Variants in FXR1 observed in about 807,000 individuals in gnomAD.
The protein encoded by FXR1 is RNA-binding protein FXR1.
In FXR1, 15 loss-of-function variants were observed where a neutral mutation model predicts 84.0. That is an observed-to-expected ratio of 0.18 (90% CI 0.12 to 0.27). FXR1 has a LOEUF of 0.27. Among genes scored for constraint, FXR1 ranks in the 10% least tolerant of loss-of-function variants. The probability of loss-of-function intolerance (pLI) is 1.00; values close to 1 mark genes in which losing one functional copy is unlikely to be tolerated. For missense variants in FXR1, 480 were observed against 774.4 expected (o/e 0.62, Z 4.51); for synonymous variants, 245 against 250.7 (o/e 0.98, Z 0.21).
Position 180,961,381 on chromosome 3 carries a change from GTGCC to G in FXR1, c.991-80_991-77del, listed in dbSNP as rs200125358. ...AAAAAAAAAAAAGGTGTGTGTGTGTGTGCCTGCCTGTCAGTTTCATGTCACTTTT... is the reference window on the plus strand; with the variant it reads ...AAAAAAAAAAAAGGTGTGTGTGTGTGTGCCTGTCAGTTTCATGTCACTTTT... On this transcript the variant is annotated intron_variant, in intron 10 of 16. Transcript: ENST00000357559. 1,812 of 395,148 alleles carry G rather than the reference GTGCC, an allele frequency of 4.6e-3. 48 individuals carry two copies. Among genetic ancestry groups the G allele is most frequent in the African/African-American group, 0.035 (1,637 of 46,206 alleles). 24.5% of individuals were successfully genotyped at this position (395,148 alleles called of 1,614,324 possible). A position where few individuals can be genotyped will look rare whatever the true frequency, so the allele number is the denominator to read the frequency against.
intron 1 of FXR1, 125 bp downstream of exon 1, chr3:180,912,861 T>C (rs1805580): frequency 0.011 from 17,177 of 1,551,910 alleles, 256 homozygotes; most frequent in African/African-American, 0.072. Context: ...TCGAGGCCGC[T>C]GGATTCCTTG....
chr3:180,931,322 G>A (rs747810055), intron 1 of FXR1, among the ~76,000 whole-genome samples: 1 of 151,992 alleles, frequency 6.6e-6, no homozygotes, highest in African/African-American at 2.4e-5. Context: ...GGGTTCAAGC[G>A]ATCCTCCTGC....
intron 14 of FXR1, 52 bp from the exon 15 acceptor site, chr3:180,970,106 C>G: frequency 1.1e-6 from 1 of 932,422 alleles, no homozygotes; most frequent in Non-Finnish European, 1.8e-6. Flanking sequence ...ATCAAACATT[C>G]ATAATTGCAG....
In FXR1 at chr3:180,980,437, C is replaced by A. The variant is rs1714555218; in HGVS notation, c.*4145C>A. On this transcript the variant is annotated 3_prime_UTR_variant, in exon 17 of 17. Coordinates refer to ENST00000357559, the MANE Select transcript of FXR1 (RefSeq NM_005087.4). Reference sequence around the variant, plus strand: ...CTTTGTACCCTCTTAATTGGATTAACTGTAAAATGTACATATTAATTTTCT... The same window carrying A: ...CTTTGTACCCTCTTAATTGGATTAAATGTAAAATGTACATATTAATTTTCT... The A allele has an allele frequency of 6.6e-6, 1 of 151,762 alleles. No homozygotes were observed. The highest frequency in any genetic ancestry group is 2.4e-5 in the African/African-American group (1 of 41,346). The allele number at this position is 151,762 out of a possible 1,614,324, so 9.4% of individuals were successfully genotyped here.
chr3:180,957,192 A>G (rs915427397), intron 9 of FXR1, among the ~76,000 whole-genome samples: 7 of 88,528 alleles, frequency 7.9e-5, no homozygotes, highest in Admixed American at 2.1e-4. Flanking sequence ...TTAAGTGTAG[A>G]AAGTTAAATA....
chr3:180,963,629 T>A (rs771551066), intron 13 of FXR1, among the ~76,000 whole-genome samples: 6 of 152,242 alleles, frequency 3.9e-5, no homozygotes, highest in Non-Finnish European at 5.9e-5. Context: ...TTTAACAACA[T>A]TTCACTAAAA....
intron 10 of FXR1, among the ~76,000 whole-genome samples, chr3:180,961,211 G>C (rs951848411): frequency 1.3e-5 from 2 of 151,756 alleles, no homozygotes; most frequent in East Asian, 1.9e-4. Flanking sequence ...GTGGTGACAC[G>C]CATCTATAGT....
In FXR1 at chr3:180,975,351, A is replaced by T; in HGVS notation, c.1642A>T (p.Ser548Cys). 6.4e-7 allele frequency: 1 copy of T among 1,553,784 alleles called. No individual in the cohort carries two copies. The highest frequency in any genetic ancestry group is 8.8e-7 in the Non-Finnish European group (1 of 1,133,690). Residue 548 changes from serine to cysteine, a missense_variant, in exon 16 of 17, where the codon AGC becomes TGC. Transcript: ENST00000357559. ...ADYISRAESQ[S>C]RQRNLPRETL... ...TTATATTTCTAGAGCTGAGTCTCAG[A>T]GCAGACAAAGAAACCTCCCAAGGGA...
chr3:180,932,090 A>AAAAAAAAC (rs1553842548), intron 1 of FXR1, among the ~76,000 whole-genome samples: 20 of 149,896 alleles, frequency 1.3e-4, no homozygotes, highest in Non-Finnish European at 2.2e-4. Flanking sequence ...AAAAAAAAAA[A>AAAAAAAAC]CAACTTTTTT....
chr3:180,924,118 C>T (rs1465046166), intron 1 of FXR1, among the ~76,000 whole-genome samples: 1 of 152,064 alleles, frequency 6.6e-6, no homozygotes. Flanking sequence ...ACCACCATGC[C>T]GAGCTAATTT....
chr3:180,965,458 C>T (rs538507538), intron 13 of FXR1, among the ~76,000 whole-genome samples: 2 of 151,720 alleles, frequency 1.3e-5, no homozygotes, highest in South Asian at 4.2e-4. Context: ...TTATCACAAA[C>T]TTAGAGGCTT....
rs534475163 is a variant in FXR1, at chr3:180,973,214, G to A, written c.1604-2099G>A. ...ACAGGTTTTTATTTGAATTAACAGAGGTTTCTTTTGGCTTCCTTTTATTTA... is the reference window on the plus strand; with the variant it reads ...ACAGGTTTTTATTTGAATTAACAGAAGTTTCTTTTGGCTTCCTTTTATTTA... On this transcript the variant is annotated intron_variant, in intron 15 of 16. Transcript: ENST00000357559. Among the ~76,000 whole-genome samples, 75 of 152,306 alleles carry A rather than the reference G, an allele frequency of 4.9e-4. No individual in the cohort carries two copies. The South Asian group carries it at 0.011, about 23-fold the overall frequency.
At chr3:180,952,714 C>G (rs1398095986) in intron 8 of FXR1, among the ~76,000 whole-genome samples, 1 of 151,446 alleles carries the variant, frequency 6.6e-6, no homozygotes, top group Non-Finnish European at 1.5e-5. Context: ...TACCTTAATA[C>G]AGTTCTTAAG....
Position 180,978,753 on chromosome 3 carries a change from T to G in FXR1, c.*2461T>G, listed in dbSNP as rs1177336016. On this transcript the variant is annotated 3_prime_UTR_variant, in exon 17 of 17. Transcript: ENST00000357559. Reference sequence around the variant, plus strand: ...AAGATCTTGTGCAGTTGCAACAATGTTTCAGCATATATATGTGAATTCATA... The same window carrying G: ...AAGATCTTGTGCAGTTGCAACAATGGTTCAGCATATATATGTGAATTCATA... 1 of 152,060 alleles carries G rather than the reference T, an allele frequency of 6.6e-6. No individual in the cohort carries two copies. The highest frequency in any genetic ancestry group is 1.5e-5 in the Non-Finnish European group (1 of 67,964). The allele number at this position is 152,060 out of a possible 1,614,324, so 9.4% of individuals were successfully genotyped here. A position where few individuals can be genotyped will look rare whatever the true frequency, so the allele number is the denominator to read the frequency against.
intron 3 of FXR1, among the ~76,000 whole-genome samples, chr3:180,945,135 ATTC>A (rs1721564968): frequency 6.6e-6 from 1 of 151,914 alleles, no homozygotes; most frequent in South Asian, 2.1e-4. Flanking sequence ...TATTCTGGTT[ATTC>A]TTACAGTTGG....
chr3:180,947,500 G>A (rs112625388), intron 3 of FXR1, among the ~76,000 whole-genome samples: 20 of 152,246 alleles, frequency 1.3e-4, no homozygotes, highest in African/African-American at 4.6e-4. Flanking sequence ...TAAAAATTAC[G>A]TTAATCACTT....
At chr3:180,950,138 C>T (rs761900181) in intron 7 of FXR1, among the ~76,000 whole-genome samples, 12 of 152,184 alleles carry the variant, frequency 7.9e-5, no homozygotes, top group Non-Finnish European at 1.5e-4. Context: ...CCCTGCTACA[C>T]TAGTAGGATA....
chr3:180,937,203 A>C (rs892665487), intron 3 of FXR1, among the ~76,000 whole-genome samples: 3 of 152,246 alleles, frequency 2.0e-5, no homozygotes, highest in Non-Finnish European at 4.4e-5. Context: ...AGTTAGGTCA[A>C]GCAAGGAATG....
chr3:180,927,553 A>G (rs1194789615), intron 1 of FXR1: 1 of 570,938 alleles, frequency 1.8e-6, no homozygotes, highest in Non-Finnish European at 3.1e-6. Flanking sequence ...GCTCCTGTCA[A>G]GTTGAGAAAC....
Sources: allele counts gnomAD v4.1 joint callset (sites outside exome capture counted in the v4.1 genomes callset), GRCh38; gene constraint gnomAD v4.1.1; transcripts MANE v1.5; gene names NCBI Gene and HGNC (gene_info 2026-07-23, HGNC 2026-07-21).